ANAPC1: variants seen among roughly 807,000 people sequenced by gnomAD.
The protein encoded by ANAPC1 is anaphase promoting complex subunit 1.
In ANAPC1, 36 loss-of-function variants were observed where a neutral mutation model predicts 208.0. The observed-to-expected ratio is 0.17, with a 90% CI of 0.13 to 0.23. ANAPC1 has a LOEUF of 0.23. Among genes scored for constraint, ANAPC1 ranks in the 10% least tolerant of loss-of-function variants. The pLI is 1.00. For synonymous variants in ANAPC1, 378 were observed against 695.2 expected (o/e 0.54, Z 7.18); for missense variants, 942 against 2,011.6 (o/e 0.47, Z 10.17).
At chr2:111,797,532 A>G (rs1357833703) in intron 34 of ANAPC1, among the ~76,000 whole-genome samples, 5 of 149,128 alleles carry the variant, frequency 3.4e-5, no homozygotes, top group Non-Finnish European at 7.5e-5. Context: ...CTTTCATATC[A>G]GTGATTAACA....
chr2:111,767,737 C>A lies in ANAPC1; in HGVS notation c.*1554G>T, dbSNP rs1055809460. 2.7e-5 allele frequency: 4 copies of A among 147,124 alleles called. No homozygotes were observed. The highest frequency in any genetic ancestry group is 4.5e-5 in the Non-Finnish European group (3 of 66,900). The allele number at this position is 147,124 out of a possible 1,614,324, so 9.1% of individuals were successfully genotyped here. ...TGGTTTGATATTGAATTTTTAAAAT[C>A]TTGATTCAAATGGAATTTTCATAAT... On this transcript the variant is annotated 3_prime_UTR_variant, in exon 48 of 48. Coordinates refer to ENST00000341068, the MANE Select transcript of ANAPC1 (RefSeq NM_022662.4).
chr2:111,850,994 A>G, intron 13 of ANAPC1, 84 bp from the exon 14 acceptor site: 2 of 1,428,672 alleles, frequency 1.4e-6, no homozygotes, highest in Non-Finnish European at 1.9e-6. Context: ...GAATATAAAC[A>G]TATATTTCTT....
chr2:111,826,810 G>A (rs559999057), intron 21 of ANAPC1, among the ~76,000 whole-genome samples: 3 of 151,874 alleles, frequency 2.0e-5, no homozygotes, highest in Non-Finnish European at 4.4e-5. Flanking sequence ...ACAGGCATGC[G>A]CCACCACGCC....
At chr2:111,790,353 G>A (rs1266792582) in intron 38 of ANAPC1, among the ~76,000 whole-genome samples, 1 of 152,122 alleles carries the variant, frequency 6.6e-6, no homozygotes, top group African/African-American at 2.4e-5. Flanking sequence ...AGAAAACCGA[G>A]TTTGAAGGAT....
intron 7 of ANAPC1, chr2:111,865,939 C>A: frequency 4.7e-6 from 1 of 211,958 alleles, no homozygotes; most frequent in Admixed American, 5.7e-5. Flanking sequence ...GGGCAGGTGG[C>A]TAACGCCTGT....
chr2:111,795,331 AAG>A (rs1678107669), intron 34 of ANAPC1, among the ~76,000 whole-genome samples: 1 of 151,208 alleles, frequency 6.6e-6, no homozygotes, highest in Non-Finnish European at 1.5e-5. Flanking sequence ...GCAGTGAGCC[AAG>A]ATCACGCCAC....
chr2:111,801,643 T>C (rs1195815659), intron 33 of ANAPC1, among the ~76,000 whole-genome samples: 2 of 151,132 alleles, frequency 1.3e-5, no homozygotes, highest in Non-Finnish European at 2.9e-5. Context: ...TAGTTTCTTC[T>C]GAATGAGTAC....
At chr2:111,827,000 TTTATC>T (rs1295908965) in intron 21 of ANAPC1, among the ~76,000 whole-genome samples, 1 of 151,040 alleles carries the variant, frequency 6.6e-6, no homozygotes, top group African/African-American at 2.4e-5. Context: ...TATGTTTTCA[TTTATC>T]TTAAGTAAAT....
At chr2:111,816,191 G>A (rs1391130486) in intron 27 of ANAPC1, among the ~76,000 whole-genome samples, 159 of 149,634 alleles carry the variant, frequency 1.1e-3, no homozygotes, top group Admixed American at 2.1e-3. Context: ...TTGAACCTGG[G>A]AGGCAGAGGT....
intron 47 of ANAPC1, 96 bp from the exon 48 acceptor site, chr2:111,769,502 A>C: frequency 3.3e-6 from 2 of 610,764 alleles, no homozygotes; most frequent in Non-Finnish European, 6.0e-6. Flanking sequence ...CATGTTTAAA[A>C]CAGGCATTTT....
chr2:111,867,250 A>G (rs1467514732), intron 7 of ANAPC1, among the ~76,000 whole-genome samples: 3 of 151,870 alleles, frequency 2.0e-5, no homozygotes, highest in South Asian at 2.1e-4. Context: ...AGATCGCACC[A>G]TTGTATTCTG....
At chr2:111,800,327 T>C (rs1160930275) in intron 34 of ANAPC1, among the ~76,000 whole-genome samples, 1 of 138,240 alleles carries the variant, frequency 7.2e-6, no homozygotes, top group Non-Finnish European at 1.6e-5. Flanking sequence ...GTTACAATAT[T>C]CGGTTTTCAG....
chr2:111,879,708 T>TA (rs1471690851), intron 2 of ANAPC1, among the ~76,000 whole-genome samples: 6 of 151,870 alleles, frequency 4.0e-5, no homozygotes, highest in African/African-American at 1.2e-4. Context: ...CCGCCTCTAC[T>TA]AAAAAAATAC....
intron 22 of ANAPC1, 64 bp from the exon 23 acceptor site, chr2:111,825,231 G>A (rs1311843604): frequency 6.4e-7 from 1 of 1,570,862 alleles, no homozygotes; most frequent in African/African-American, 1.4e-5. Flanking sequence ...CATGTAACAT[G>A]TAGAAAACAT....
At position 111,847,106 on chromosome 2, in the gene ANAPC1, C is replaced by G. The variant is rs375189451; in HGVS notation, c.1852+32G>C. On this transcript the variant is annotated intron_variant, in intron 16 of 47. Transcript: ENST00000341068. ...TTATTAATGTAAATCACAATTACTT[C>G]ATGTCTTATAAATGAAACTTCTCAA... 2.3e-5 allele frequency: 35 copies of G among 1,525,516 alleles called. No individual in the cohort carries two copies. In the African/African-American group the frequency reaches 2.9e-4, roughly 13 times the overall value. The allele number at this position is 1,525,516 out of a possible 1,614,324, so 94.5% of individuals were successfully genotyped here. A position where few individuals can be genotyped will look rare whatever the true frequency, so the allele number is the denominator to read the frequency against.
In ANAPC1 at chr2:111,845,270, C is replaced by T. The variant is rs867170382; in HGVS notation, c.1853-1671G>A. Among the ~76,000 whole-genome samples, 6 of 152,300 alleles carry T rather than the reference C, an allele frequency of 3.9e-5. No individual in the cohort carries two copies. In the South Asian group the frequency reaches 6.2e-4, roughly 16 times the overall value. Reference sequence around the variant, plus strand: ...AAATCTGCTTTTAGTAGTAAATAATCCCAAACTGCAATGTTTGTGTACTCA... The same window carrying T: ...AAATCTGCTTTTAGTAGTAAATAATTCCAAACTGCAATGTTTGTGTACTCA... On this transcript the variant is annotated intron_variant, in intron 16 of 47. Coordinates refer to ENST00000341068, the MANE Select transcript of ANAPC1 (RefSeq NM_022662.4).
chr2:111,876,519 C>A (rs1683034074), intron 3 of ANAPC1, among the ~76,000 whole-genome samples: 1 of 152,122 alleles, frequency 6.6e-6, no homozygotes, highest in South Asian at 2.1e-4. Context: ...AAATAGGCAA[C>A]TGTTCTTGGA....
At chr2:111,846,646 T>C (rs1159344073) in intron 16 of ANAPC1, among the ~76,000 whole-genome samples, 1 of 136,440 alleles carries the variant, frequency 7.3e-6, no homozygotes, top group Non-Finnish European at 1.5e-5. Flanking sequence ...CTCCACTCAC[T>C]GCAACCTCCG....
At chr2:111,866,782 T>C (rs1038298142) in intron 7 of ANAPC1, among the ~76,000 whole-genome samples, 3 of 72,136 alleles carry the variant, frequency 4.2e-5, no homozygotes, top group Non-Finnish European at 8.8e-5. Context: ...AGAGAAAAAA[T>C]AAAATGGAAA....
Sources: gnomAD v4.1 joint callset for allele counts (sites outside exome capture counted in the v4.1 genomes callset) on GRCh38, gnomAD v4.1.1 for gene constraint, MANE v1.5 for transcripts, NCBI Gene and HGNC (gene_info 2026-07-23, HGNC 2026-07-21) for gene names.